The following PRDX5 variants were observed in gnomAD, a reference collection of about 807,000 sequenced individuals.
The protein encoded by PRDX5 is peroxiredoxin-5, mitochondrial.
In PRDX5, 21 loss-of-function variants were observed where a neutral mutation model predicts 23.8. The observed-to-expected ratio is 0.88, with a 90% CI of 0.63 to 1.27. PRDX5 has a LOEUF of 1.27. Among genes scored for constraint, PRDX5 ranks in the 50% most tolerant of loss-of-function variants. The pLI is 0.00. For synonymous variants in PRDX5, 111 were observed against 113.3 expected (o/e 0.98, Z 0.13); for missense variants, 261 against 270.6 (o/e 0.96, Z 0.25).
At chr11:64,318,643 C>T (rs2035394542) in intron 1 of PRDX5, among the ~76,000 whole-genome samples, 1 of 152,078 alleles carries the variant, frequency 6.6e-6, no homozygotes, top group South Asian at 2.1e-4. Context: ...CTGTGTCGCC[C>T]AGGCTGGAGT....
rs1388346115 is a variant in PRDX5, at chr11:64,320,694, G to A, written c.340G>A (p.Ala114Thr). Residue 114 changes from alanine to threonine, a missense_variant, in exon 3 of 6, where the codon GCT becomes ACT. By Grantham distance (58) the Ala-to-Thr change is moderately conservative. Coordinates refer to ENST00000265462, the MANE Select transcript of PRDX5 (RefSeq NM_012094.5). ...HLPGFVEQAE[A>T]LKAKGVQVVA... is the part of the protein sequence containing the mutation. ...GCCAGGGTTTGTGGAGCAGGCTGAG[G>A]CTCTGAAGGCCAAGGGAGTCCAGGT... is the stretch of plus-strand genomic sequence containing the variant. 6.2e-7 allele frequency: 1 copy of A among 1,611,190 alleles called. No individual in the cohort carries two copies. Among genetic ancestry groups the A allele is most frequent in the South Asian group, 1.1e-5 (1 of 90,898 alleles).
chr11:64,319,818 A>G lies in PRDX5; in HGVS notation c.256A>G (p.Lys86Glu). 1 of 1,614,134 alleles carries G rather than the reference A, an allele frequency of 6.2e-7. No individual in the cohort carries two copies. Among genetic ancestry groups the G allele is most frequent in the Non-Finnish European group, 8.5e-7 (1 of 1,180,002 alleles). ...CCTGGCAGAGCTGTTCAAGGGCAAG[A>G]AGGGTGTGCTGTTTGGAGTTCCTGG... Reference protein sequence around the residue: ...VNLAELFKGKKGVLFGVPGAF... With the variant: ...VNLAELFKGKEGVLFGVPGAF... Residue 86 changes from lysine to glutamate, a missense_variant, in exon 2 of 6, where the codon AAG becomes GAG. Coordinates refer to ENST00000265462, the MANE Select transcript of PRDX5 (RefSeq NM_012094.5).
At chr11:64,319,920 C>G in intron 2 of PRDX5, 52 bp downstream of exon 2, 2 of 1,600,110 alleles carry the variant, frequency 1.2e-6, no homozygotes, top group South Asian at 2.2e-5. Flanking sequence ...TTGTGTTGCT[C>G]TTAAGTCCTC....
rs1367541257 is a variant in PRDX5, at chr11:64,318,204, C to T, written c.-12C>T. 8 of 1,611,002 alleles carry T rather than the reference C, an allele frequency of 5.0e-6. No homozygotes were observed. In the Admixed American group the frequency reaches 6.7e-5, roughly 13 times the overall value. On this transcript the variant is annotated 5_prime_UTR_variant, in exon 1 of 6. Transcript: ENST00000265462. ...AGCCAGGAGGCGGAGTGGAAGTGGC[C>T]GTGGGGCGGGTATGGGACTAGCTGG...
At chr11:64,321,130 G>A (rs977428990) in intron 5 of PRDX5, 62 bp downstream of exon 5, 1 of 1,476,764 alleles carries the variant, frequency 6.8e-7, no homozygotes, top group Non-Finnish European at 8.9e-7. Flanking sequence ...CTGTGGGAGA[G>A]AGTCCTCTGT....
In PRDX5 at chr11:64,319,810, A is replaced by G. The variant is rs768347757; in HGVS notation, c.248A>G (p.Lys83Arg). ...GNKVNLAELFKGKKGVLFGVP... is the reference protein window; with the variant it reads ...GNKVNLAELFRGKKGVLFGVP... ...AAGGTGAACCTGGCAGAGCTGTTCA[A>G]GGGCAAGAAGGGTGTGCTGTTTGGA... Residue 83 changes from lysine (K) to arginine (R), a missense_variant, in exon 2 of 6, where the codon AAG becomes AGG. Coordinates refer to ENST00000265462, the MANE Select transcript of PRDX5 (RefSeq NM_012094.5). 5 of 1,614,190 alleles carry G rather than the reference A, an allele frequency of 3.1e-6. No individual in the cohort carries two copies. The South Asian group carries it at 5.5e-5, about 18-fold the overall frequency.
At chr11:64,321,107 G>A in intron 5 of PRDX5, 39 bp downstream of exon 5, 3 of 1,316,168 alleles carry the variant, frequency 2.3e-6, no homozygotes, top group Non-Finnish European at 3.2e-6. Context: ...AGTCCTCTGT[G>A]GGAGAGAGTC....
In PRDX5 at chr11:64,318,320, A is replaced by T. The variant is rs1335016034; in HGVS notation, c.105A>T (p.Glu35Asp). 1.9e-6 allele frequency: 3 copies of T among 1,612,472 alleles called. No homozygotes were observed. In the African/African-American group the frequency reaches 4.0e-5, roughly 22 times the overall value. ...CAGCGGCAGCAAGACGGTACAGTGA[A>T]GGAGAGTGGGCGTCTGGCGGGGTCC... Reference protein sequence around the residue: ...SAAAAARRYSEGEWASGGVRS... With the variant: ...SAAAAARRYSDGEWASGGVRS... The change falls in exon 1 of 6, where the codon GAA (glutamate) becomes GAT (aspartate). Residue 35 changes from glutamate to aspartate, a missense_variant. Coordinates refer to ENST00000265462, the MANE Select transcript of PRDX5 (RefSeq NM_012094.5).
chr11:64,319,024 C>T (rs921052511), intron 1 of PRDX5, among the ~76,000 whole-genome samples: 14 of 151,964 alleles, frequency 9.2e-5, no homozygotes, highest in Admixed American at 9.2e-4. Flanking sequence ...CTGTCTTTCA[C>T]TCACTTCCTG....
intron 2 of PRDX5, among the ~76,000 whole-genome samples, chr11:64,320,359 A>G (rs1316185731): frequency 6.6e-6 from 1 of 152,050 alleles, no homozygotes; most frequent in African/African-American, 2.4e-5. Context: ...AAAACATACT[A>G]CAATTAAATC....
At chr11:64,320,971 C>T in intron 4 of PRDX5, 36 bp from the exon 5 acceptor site, 1 of 1,614,026 alleles carries the variant, frequency 6.2e-7, no homozygotes, top group Admixed American at 1.7e-5. Flanking sequence ...TTAGCCTCTT[C>T]AAGGATTTCT....
At chr11:64,319,603 A>T in intron 1 of PRDX5, 131 bp from the exon 2 acceptor site, 1 of 1,206,556 alleles carries the variant, frequency 8.3e-7, no homozygotes, top group Non-Finnish European at 1.2e-6. Context: ...GGAAACTGAC[A>T]GGGCTGGAGT....
At chr11:64,319,640 C>T (rs1240377657) in intron 1 of PRDX5, 94 bp from the exon 2 acceptor site, 1 of 1,471,816 alleles carries the variant, frequency 6.8e-7, no homozygotes, top group South Asian at 1.3e-5. Flanking sequence ...GCCCCGGTTC[C>T]TGCAGGCACA....
At position 64,319,763 on chromosome 11, in the gene PRDX5, G is replaced by A; in HGVS notation, c.201G>A (p.Val67=). 6.2e-7 allele frequency: 1 copy of A among 1,614,122 alleles called. No homozygotes were observed. Among genetic ancestry groups the A allele is most frequent in the Non-Finnish European group, 8.5e-7 (1 of 1,179,978 alleles). The change falls in exon 2 of 6, where the codon GTG becomes GTA. Residue 67 remains valine, a synonymous_variant. Transcript: ENST00000265462. ...KVGDAIPAVE[V]FEGEPGNKVN... ...GAGATGCCATCCCAGCAGTGGAGGT[G>A]TTTGAAGGGGAGCCAGGGAACAAGG...
rs771670057 is a variant in PRDX5 at position 64,321,073 on chromosome 11, A to G, written c.539+5A>G. Reference sequence around the variant, plus strand: ...TGGGAATCGACGTCTCAAGAGGTAAAAGTGGAGAGTCCTCTGTGGAGAGAG... The same window carrying G: ...TGGGAATCGACGTCTCAAGAGGTAAGAGTGGAGAGTCCTCTGTGGAGAGAG... On this transcript the variant is annotated splice_donor_5th_base_variant and intron_variant, in intron 5 of 5. Coordinates refer to ENST00000265462, the MANE Select transcript of PRDX5 (RefSeq NM_012094.5). The G allele has an allele frequency of 6.2e-7, 1 of 1,612,400 alleles. No homozygotes were observed.
intron 1 of PRDX5, among the ~76,000 whole-genome samples, chr11:64,319,217 C>G (rs2135276158): frequency 6.6e-6 from 1 of 152,130 alleles, no homozygotes; most frequent in African/African-American, 2.4e-5. Context: ...GGATCCTTCC[C>G]CCTTCAAAAG....
At chr11:64,320,071 A>G (rs920426833) in intron 2 of PRDX5, among the ~76,000 whole-genome samples, 4 of 152,218 alleles carry the variant, frequency 2.6e-5, no homozygotes, top group African/African-American at 9.6e-5. Context: ...CGAGGTCAGG[A>G]GTTCAAAACC....
At chr11:64,319,146 A>G (rs2035417102) in intron 1 of PRDX5, among the ~76,000 whole-genome samples, 1 of 150,918 alleles carries the variant, frequency 6.6e-6, no homozygotes, top group Admixed American at 6.6e-5. Context: ...AGAGGCCCTC[A>G]CCTCTGACTC....
chr11:64,321,468 C>T, intron 5 of PRDX5, 118 bp from the exon 6 acceptor site: 1 of 1,507,116 alleles, frequency 6.6e-7, no homozygotes, highest in Non-Finnish European at 8.9e-7. Flanking sequence ...GGGGAGAGTC[C>T]TCTGTGGGGG....
Sources: gnomAD v4.1 joint callset for allele counts (sites outside exome capture counted in the v4.1 genomes callset) on GRCh38, gnomAD v4.1.1 for gene constraint, MANE v1.5 for transcripts, NCBI Gene and HGNC (gene_info 2026-07-23, HGNC 2026-07-21) for gene names.